Variants in TANK observed in about 807,000 individuals in gnomAD.
TANK encodes TRAF family member associated NFKB activator.
TANK carries 15 observed loss-of-function variants against 43.6 expected under a neutral mutation model. That is an observed-to-expected ratio of 0.34 (90% CI 0.23 to 0.53). TANK has a LOEUF of 0.53. TANK is among the 20% of genes least tolerant of loss of function. TANK has a pLI of 0.94. For synonymous variants in TANK, 162 were observed against 178.2 expected (o/e 0.91, Z 0.73); for missense variants, 417 against 498.6 (o/e 0.84, Z 1.56).
intron 1 of TANK, chr2:161,161,185 G>T: frequency 6.7e-7 from 1 of 1,487,046 alleles, no homozygotes. Context: ...GTAGAAAGGG[G>T]GAGGATAATC....
At chr2:161,212,844 G>C in intron 4 of TANK, 14 of 836,938 alleles carry the variant, frequency 1.7e-5, no homozygotes, top group South Asian at 5.5e-5. Flanking sequence ...AGTCTGTATT[G>C]CTGTAAAGGA....
chr2:161,165,200 T>C (rs927375815), intron 1 of TANK, among the ~76,000 whole-genome samples: 3 of 152,204 alleles, frequency 2.0e-5, no homozygotes, highest in Non-Finnish European at 2.9e-5. Flanking sequence ...CTTAGCAAGT[T>C]GAACTTATGA....
intron 1 of TANK, among the ~76,000 whole-genome samples, chr2:161,167,949 A>G (rs1684765894): frequency 6.6e-6 from 1 of 152,136 alleles, no homozygotes; most frequent in African/African-American, 2.4e-5. Context: ...AAGGCAAAAG[A>G]GAGCAAAGAA....
chr2:161,202,567 T>C (rs1396510510), intron 2 of TANK, among the ~76,000 whole-genome samples: 1 of 152,180 alleles, frequency 6.6e-6, no homozygotes, highest in Non-Finnish European at 1.5e-5. Flanking sequence ...TTTTGAACTT[T>C]AAGAATCAGT....
chr2:161,148,924 C>T (rs973971138), intron 1 of TANK, among the ~76,000 whole-genome samples: 9 of 152,036 alleles, frequency 5.9e-5, no homozygotes, highest in African/African-American at 1.9e-4. Flanking sequence ...AATTGGGAAG[C>T]GTGAGTCTTC....
Position 161,224,741 on chromosome 2 carries a change from C to A in TANK, c.515C>A (p.Ala172Glu). The A allele has an allele frequency of 6.7e-7, 1 of 1,482,466 alleles. No homozygotes were observed. The highest frequency in any genetic ancestry group is 1.4e-5 in the African/African-American group (1 of 70,606). 91.8% of individuals were successfully genotyped at this position (1,482,466 alleles called of 1,614,324 possible). Reference sequence around the variant, plus strand: ...AGCAAACTTAATATACCAGACACTGCAACTGGTAAGATTTAATTTAATTTA... The same window carrying A: ...AGCAAACTTAATATACCAGACACTGAAACTGGTAAGATTTAATTTAATTTA... ...HLSKLNIPDTATETQCSVPIQ... is the reference protein window; with the variant it reads ...HLSKLNIPDTETETQCSVPIQ... The change falls in exon 6 of 8, where the codon GCA becomes GAA. Residue 172 changes from alanine (A) to glutamate (E), a missense_variant. Transcript: ENST00000392749.
At position 161,138,046 on chromosome 2, in the gene TANK, C is replaced by T. The variant is rs139696816; in HGVS notation, c.-50+983C>T. 3.3e-3 allele frequency: 1,862 copies of T among 563,066 alleles called. 7 individuals carry two copies. The highest frequency in any genetic ancestry group is 3.6e-3 in the Non-Finnish European group (1,628 of 446,644). The allele number at this position is 563,066 out of a possible 1,614,324, so 34.9% of individuals were successfully genotyped here. On this transcript the variant is annotated intron_variant, in intron 1 of 7. Transcript: ENST00000259075. ...AAAAAGCACATGATAGTGAATATTT[C>T]ATTACACTAAAGTGTTAATCTTATA...
chr2:161,230,484 C>G lies in TANK; in HGVS notation c.521-487C>G, dbSNP rs147454429. On this transcript the variant is annotated intron_variant, in intron 6 of 7. Transcript: ENST00000392749. The stretch of plus-strand genomic sequence containing the variant: ...AACTCCTGCAACCACCAGTCCCTCA[C>G]ATGGATTATTGAGAGCAGACAGTGG... Among the ~76,000 whole-genome samples the G allele has an allele frequency of 8.7e-3, 1,322 of 152,300 alleles. 10 individuals carry two copies. The highest frequency in any genetic ancestry group is 0.011 in the South Asian group (54 of 4,822).
intron 2 of TANK, among the ~76,000 whole-genome samples, chr2:161,192,007 C>T (rs1419237256): frequency 3.9e-5 from 6 of 152,058 alleles, no homozygotes; most frequent in Non-Finnish European, 8.8e-5. Flanking sequence ...AGGCTGGTCT[C>T]GAGCTCCTGA....
intron 4 of TANK, among the ~76,000 whole-genome samples, chr2:161,221,757 T>C (rs998681475): frequency 5.3e-5 from 8 of 152,032 alleles, no homozygotes; most frequent in South Asian, 2.1e-4. Context: ...ATTTGAAATA[T>C]ACTAACAGCT....
At chr2:161,212,057 C>T (rs1574044548) in intron 4 of TANK, 1 of 712,172 alleles carries the variant, frequency 1.4e-6, no homozygotes, top group Middle Eastern at 7.2e-4. Context: ...AGTCATAATA[C>T]ATAAACTTTT....
At chr2:161,163,863 C>T (rs1384691748) in intron 1 of TANK, among the ~76,000 whole-genome samples, 1 of 152,172 alleles carries the variant, frequency 6.6e-6, no homozygotes, top group Non-Finnish European at 1.5e-5. Context: ...TTTTACTTGA[C>T]TAATGGTTTA....
intron 7 of TANK, 33 bp downstream of exon 7, chr2:161,231,584 T>C (rs1274149353): frequency 1.3e-6 from 2 of 1,578,176 alleles, no homozygotes; most frequent in Non-Finnish European, 1.7e-6. Context: ...TATATTATTA[T>C]GTGTGAACAC....
chr2:161,212,811 A>G, intron 4 of TANK: 2 of 977,602 alleles, frequency 2.0e-6, no homozygotes, highest in Non-Finnish European at 2.4e-6. Context: ...GGTAAGGAAT[A>G]GCCCCCTGTC....
chr2:161,140,992 G>A (rs1037822354), intron 1 of TANK, among the ~76,000 whole-genome samples: 4 of 151,828 alleles, frequency 2.6e-5, no homozygotes, highest in African/African-American at 9.7e-5. Context: ...GAACCAATAT[G>A]GGTACATTAT....
chr2:161,181,249 C>T (rs977094144), intron 2 of TANK, among the ~76,000 whole-genome samples: 26 of 152,002 alleles, frequency 1.7e-4, no homozygotes, highest in African/African-American at 5.3e-4. Flanking sequence ...GGTGAAACCC[C>T]GTCTCTACTG....
At chr2:161,171,324 A>C (rs1022105860) in intron 1 of TANK, among the ~76,000 whole-genome samples, 23 of 152,230 alleles carry the variant, frequency 1.5e-4, no homozygotes, top group African/African-American at 5.5e-4. Context: ...AATATGTTAA[A>C]GTCATACCCT....
At chr2:161,141,835 G>C (rs981755648) in intron 1 of TANK, among the ~76,000 whole-genome samples, 4 of 152,048 alleles carry the variant, frequency 2.6e-5, no homozygotes, top group Admixed American at 2.6e-4. Context: ...TATTCCTTTG[G>C]GTATATACCC....
chr2:161,219,770 A>G, intron 4 of TANK: 1 of 461,276 alleles, frequency 2.2e-6, no homozygotes. Flanking sequence ...GTCTCAGTAT[A>G]TGTAGACTGG....
Sources: gnomAD v4.1 joint callset for allele counts (sites outside exome capture counted in the v4.1 genomes callset) on GRCh38, gnomAD v4.1.1 for gene constraint, MANE v1.5 for transcripts, NCBI Gene and HGNC (gene_info 2026-07-23, HGNC 2026-07-21) for gene names.